PRKCB: variants seen among roughly 807,000 people sequenced by gnomAD.
The protein encoded by PRKCB is protein kinase C beta.
PRKCB carries 13 observed loss-of-function variants against 81.5 expected under a neutral mutation model. That is an observed-to-expected ratio of 0.16 (90% confidence interval 0.10 to 0.25). The LOEUF (loss-of-function observed/expected upper bound fraction) is 0.25. PRKCB is among the 10% of genes least tolerant of loss of function. The pLI, the probability that PRKCB is intolerant of heterozygous loss-of-function variation, is 1.00. For synonymous variants in PRKCB, 335 were observed against 321.4 expected, an observed-to-expected ratio of 1.04 and a Z score of -0.45; for missense variants, 509 against 875.7, an observed-to-expected ratio of 0.58 and a Z score of 5.29.
intron 3 of PRKCB, among the ~76,000 whole-genome samples, chr16:24,007,870 T>G (rs1421126478): frequency 6.6e-6 from 1 of 152,152 alleles, no homozygotes; most frequent in Non-Finnish European, 1.5e-5. Flanking sequence ...AAGGCCCTGG[T>G]TCTGGACTCA....
intron 8 of PRKCB, among the ~76,000 whole-genome samples, chr16:24,116,382 C>T (rs1003311172): frequency 5.3e-5 from 8 of 151,834 alleles, no homozygotes; most frequent in Admixed American, 2.6e-4. Flanking sequence ...CATAGCGACC[C>T]TACCTCTATT....
intron 1 of PRKCB, among the ~76,000 whole-genome samples, chr16:23,836,982 GT>G (rs1487104158): frequency 6.7e-6 from 1 of 149,502 alleles, no homozygotes; most frequent in Admixed American, 6.6e-5. Flanking sequence ...CTCCTTCCCA[GT>G]CCCCCTCCCA....
At chr16:23,997,590 A>T (rs2141828020) in intron 3 of PRKCB, among the ~76,000 whole-genome samples, 1 of 152,358 alleles carries the variant, frequency 6.6e-6, no homozygotes, top group African/African-American at 2.4e-5. Flanking sequence ...GTTTGTGTGT[A>T]TATATACATA....
At chr16:23,882,658 G>A (rs1180623644) in intron 2 of PRKCB, among the ~76,000 whole-genome samples, 1 of 151,888 alleles carries the variant, frequency 6.6e-6, no homozygotes, top group Non-Finnish European at 1.5e-5. Context: ...GCAACATTTT[G>A]CTTATATATT....
At chr16:24,069,738 TCAAAACAAAACAAA>T (rs1966083949) in intron 5 of PRKCB, among the ~76,000 whole-genome samples, 1 of 152,188 alleles carries the variant, frequency 6.6e-6, no homozygotes, top group Non-Finnish European at 1.5e-5. Context: ...AGACTTTGTA[TCAAAACAAAACAAA>T]CAAAACAAAA....
rs1965607364 is a variant in PRKCB at position 24,035,699 on chromosome 16, TG to T, written c.529+153del. 16 of 930,678 alleles carry T rather than the reference TG, an allele frequency of 1.7e-5. No individual in the cohort carries two copies. In the South Asian group the frequency reaches 2.9e-4, roughly 17 times the overall value. The allele number at this position is 930,678 out of a possible 1,614,324, so 57.7% of individuals were successfully genotyped here. A position where few individuals can be genotyped will look rare whatever the true frequency, so the allele number is the denominator to read the frequency against. On this transcript the variant is annotated intron_variant, in intron 5 of 16. Coordinates refer to ENST00000643927, the MANE Select transcript of PRKCB (RefSeq NM_002738.7). ...GTGGCACTGCTTCTGCCCCATGCCC[TG>T]CCCATGACAGCCCCTCCCTGCAGCA...
rs1555496499 is a variant in PRKCB, at chr16:24,096,666, A to ATATAT, written c.821+2369_821+2370insTATAT. The stretch of plus-strand genomic sequence containing the variant: ...CCTTCCTATGGCAAAAAAAAAAAAA[A>ATATAT]ATATATATATATATATATATATATA... On this transcript the variant is annotated intron_variant, in intron 7 of 16. Coordinates refer to ENST00000643927, the MANE Select transcript of PRKCB (RefSeq NM_002738.7). Among the ~76,000 whole-genome samples the ATATAT allele has an allele frequency of 5.1e-3, 163 of 32,270 alleles. 1 individual carries two copies. Among genetic ancestry groups the ATATAT allele is most frequent in the Non-Finnish European group, 7.3e-3 (118 of 16,132 alleles). The allele number at this position is 32,270 out of a possible 152,430, so 21.2% of individuals were successfully genotyped here. A position where few individuals can be genotyped will look rare whatever the true frequency, so the allele number is the denominator to read the frequency against.
At chr16:23,979,712 C>T (rs1206035790) in intron 2 of PRKCB, among the ~76,000 whole-genome samples, 2 of 152,184 alleles carry the variant, frequency 1.3e-5, no homozygotes, top group Non-Finnish European at 2.9e-5. Context: ...TGTAACTGCA[C>T]TGTGTGAGTT....
chr16:23,924,821 ACAT>A (rs1435880935), intron 2 of PRKCB, among the ~76,000 whole-genome samples: 4 of 152,104 alleles, frequency 2.6e-5, no homozygotes, highest in Non-Finnish European at 5.9e-5. Flanking sequence ...ATGTAGGAAA[ACAT>A]CATGTTGTAC....
intron 5 of PRKCB, among the ~76,000 whole-genome samples, chr16:24,050,109 T>C (rs1387566796): frequency 1.3e-5 from 2 of 152,090 alleles, no homozygotes; most frequent in Non-Finnish European, 2.9e-5. Context: ...CACCCTTGGG[T>C]AACTCAGTAC....
chr16:24,027,436 G>A (rs966463295), intron 3 of PRKCB, among the ~76,000 whole-genome samples: 6 of 152,266 alleles, frequency 3.9e-5, no homozygotes, highest in African/African-American at 1.4e-4. Flanking sequence ...GCTGCCAAAA[G>A]GGATCCCTTA....
intron 3 of PRKCB, among the ~76,000 whole-genome samples, chr16:24,006,720 C>T (rs1304747050): frequency 1.3e-5 from 2 of 152,202 alleles, no homozygotes; most frequent in South Asian, 2.1e-4. Flanking sequence ...TCTGGCCGAG[C>T]TCAAGTTGCC....
intron 2 of PRKCB, among the ~76,000 whole-genome samples, chr16:23,846,146 T>C (rs1474476836): frequency 6.6e-6 from 1 of 152,210 alleles, no homozygotes; most frequent in African/African-American, 2.4e-5. Context: ...GACTCACTTA[T>C]AGAGAAAGGA....
chr16:24,182,040 A>G (rs1309306321), intron 13 of PRKCB, among the ~76,000 whole-genome samples: 1 of 152,160 alleles, frequency 6.6e-6, no homozygotes, highest in Non-Finnish European at 1.5e-5. Flanking sequence ...AATTCTTTAA[A>G]AATAATAAGG....
At chr16:23,909,835 G>C (rs1420634616) in intron 2 of PRKCB, among the ~76,000 whole-genome samples, 1 of 151,946 alleles carries the variant, frequency 6.6e-6, no homozygotes. Context: ...GACCACATTT[G>C]CTTCATCCAT....
chr16:24,187,425 T>C (rs1458616664), intron 15 of PRKCB, among the ~76,000 whole-genome samples: 1 of 152,230 alleles, frequency 6.6e-6, no homozygotes, highest in African/African-American at 2.4e-5. Context: ...CTTTGATGAC[T>C]AAACAGCTGA....
chr16:23,884,830 A>G (rs1963174201), intron 2 of PRKCB, among the ~76,000 whole-genome samples: 1 of 151,998 alleles, frequency 6.6e-6, no homozygotes. Context: ...TGTGAGCCAC[A>G]ATGCCTAGCC....
intron 10 of PRKCB, among the ~76,000 whole-genome samples, chr16:24,160,769 T>C (rs1167757660): frequency 6.6e-6 from 1 of 152,006 alleles, no homozygotes; most frequent in African/African-American, 2.4e-5. Context: ...CTATTTTTGA[T>C]AGGATCATCA....
intron 8 of PRKCB, among the ~76,000 whole-genome samples, chr16:24,114,902 G>A (rs770983541): frequency 1.3e-5 from 2 of 152,022 alleles, no homozygotes; most frequent in Admixed American, 6.6e-5. Context: ...GGAAAGAGAG[G>A]TCAGGTACCT....
Sources: allele counts gnomAD v4.1 joint callset (sites outside exome capture counted in the v4.1 genomes callset), GRCh38; gene constraint gnomAD v4.1.1; transcripts MANE v1.5; gene names NCBI Gene and HGNC (gene_info 2026-07-23, HGNC 2026-07-21).